CSMD3: variants seen among roughly 807,000 people sequenced by gnomAD.
The protein encoded by CSMD3 is CUB and Sushi multiple domains 3.
A neutral mutation model predicts 435.2 loss-of-function variants in CSMD3; 177 were observed. That is an observed-to-expected ratio of 0.41 (90% CI 0.36 to 0.46). CSMD3 has a LOEUF of 0.46. CSMD3 is among the 20% of genes least tolerant of loss of function. The probability of loss-of-function intolerance (pLI) is 0.34; values close to 1 mark genes in which losing one functional copy is unlikely to be tolerated. For synonymous variants in CSMD3, 1,656 were observed against 1,520.5 expected (o/e 1.09, Z -2.07); for missense variants, 4,265 against 4,504.6 (o/e 0.95, Z 1.52).
At chr8:112,543,326 A>G (rs1826855797) in intron 27 of CSMD3, among the ~76,000 whole-genome samples, 1 of 152,122 alleles carries the variant, frequency 6.6e-6, no homozygotes, top group Admixed American at 6.6e-5. Context: ...ATGGGAGAAA[A>G]TATTTTCAAG....
intron 9 of CSMD3, among the ~76,000 whole-genome samples, chr8:112,940,111 A>C (rs1291914246): frequency 6.6e-6 from 1 of 151,954 alleles, no homozygotes; most frequent in African/African-American, 2.4e-5. Context: ...AATGAGTGAA[A>C]ATGACTTTAT....
rs1050424505 is a variant in CSMD3 at position 112,919,098 on chromosome 8, A to G, written c.1633+2529T>C. 9.2e-5 allele frequency among the ~76,000 whole-genome samples: 14 copies of G among 151,942 alleles called. No individual in the cohort carries two copies. The South Asian group carries it at 2.3e-3, about 25-fold the overall frequency. ...CATACACATACGTGCCTTGCATGCA[A>G]TGAGCAAATGCAGCTATGTCTAATA... On this transcript the variant is annotated intron_variant, in intron 10 of 70. Transcript: ENST00000297405.
chr8:112,840,890 A>G (rs1397972444), intron 11 of CSMD3, among the ~76,000 whole-genome samples: 1 of 151,880 alleles, frequency 6.6e-6, no homozygotes, highest in African/African-American at 2.4e-5. Flanking sequence ...ATATTTAAAA[A>G]TATGACTCTT....
chr8:112,800,196 A>G lies in CSMD3; in HGVS notation c.1938T>C (p.Ser646=), dbSNP rs751121747. 25 of 1,612,486 alleles carry G rather than the reference A, an allele frequency of 1.6e-5. No homozygotes were observed. In the Admixed American group the frequency reaches 3.8e-4, roughly 25 times the overall value. ...QMWLHLQTDE[S]VGSVGFKVNY... is the part of the protein sequence containing the mutation. ...TAACCTTGAAACCAACAGATCCAAC[A>G]CTTTCGTCCGTTTGAAGGTGCAGCC... is the stretch of plus-strand genomic sequence containing the variant. The change falls in exon 13 of 71, where the codon AGT becomes AGC. Residue 646 remains serine, a synonymous_variant. Transcript: ENST00000297405.
chr8:112,920,466 T>C (rs1344607465), intron 10 of CSMD3, among the ~76,000 whole-genome samples: 3 of 151,948 alleles, frequency 2.0e-5, no homozygotes, highest in Non-Finnish European at 4.4e-5. Flanking sequence ...TAGTTCTTTC[T>C]ATACTCTGTC....
intron 22 of CSMD3, among the ~76,000 whole-genome samples, chr8:112,632,020 A>G (rs1161980225): frequency 6.6e-6 from 1 of 152,034 alleles, no homozygotes; most frequent in African/African-American, 2.4e-5. Flanking sequence ...ATATGTGGGC[A>G]TCTGATAGAT....
intron 22 of CSMD3, among the ~76,000 whole-genome samples, chr8:112,602,563 TC>T (rs1409977315): frequency 1.1e-5 from 1 of 90,538 alleles, no homozygotes; most frequent in African/African-American, 6.0e-5. Flanking sequence ...CAAAACTCTG[TC>T]TCAAAAAAAA....
At chr8:112,686,780 C>T (rs1210884747) in intron 14 of CSMD3, among the ~76,000 whole-genome samples, 1 of 152,016 alleles carries the variant, frequency 6.6e-6, no homozygotes, top group African/African-American at 2.4e-5. Flanking sequence ...GCTACCGTGC[C>T]CGGCCTTTTA....
intron 13 of CSMD3, among the ~76,000 whole-genome samples, chr8:112,747,974 A>C (rs913391415): frequency 1.3e-5 from 2 of 151,726 alleles, no homozygotes; most frequent in Admixed American, 6.5e-5. Context: ...AAAAAAAAAA[A>C]AAAAAAAAAA....
intron 60 of CSMD3, among the ~76,000 whole-genome samples, chr8:112,264,321 C>T (rs749519961): frequency 6.6e-6 from 1 of 151,808 alleles, no homozygotes; most frequent in Non-Finnish European, 1.5e-5. Context: ...TATGTTAAAC[C>T]TTATTATTAT....
Position 113,196,959 on chromosome 8 carries a change from C to T in CSMD3, c.515-23043G>A, listed in dbSNP as rs879746320. Among the ~76,000 whole-genome samples, 656 of 151,220 alleles carry T rather than the reference C, an allele frequency of 4.3e-3. 3 individuals carry two copies. The highest frequency in any genetic ancestry group is 7.1e-3 in the Non-Finnish European group (476 of 67,388). On this transcript the variant is annotated intron_variant, in intron 3 of 70. Coordinates refer to ENST00000297405, the MANE Select transcript of CSMD3 (RefSeq NM_198123.2). ...TGCAATCTCAGGTAAGTACTTAACC[C>T]CTCTGTGGAACAATTTTCTTACTTG...
chr8:112,361,068 C>A (rs1326950307), intron 38 of CSMD3, among the ~76,000 whole-genome samples: 1 of 151,882 alleles, frequency 6.6e-6, no homozygotes, highest in Admixed American at 6.6e-5. Context: ...TTGTAGGAAT[C>A]AATAAGAGAA....
chr8:112,625,413 A>G (rs965403047), intron 22 of CSMD3, among the ~76,000 whole-genome samples: 12 of 152,140 alleles, frequency 7.9e-5, no homozygotes, highest in Non-Finnish European at 1.5e-4. Context: ...AAAAAGGCTC[A>G]GAATTTCTTT....
chr8:112,338,777 T>C (rs1036961351), intron 42 of CSMD3, among the ~76,000 whole-genome samples: 11 of 152,142 alleles, frequency 7.2e-5, no homozygotes, highest in African/African-American at 2.7e-4. Context: ...AAAAATATTC[T>C]ACACAAAAAT....
chr8:112,534,584 T>C (rs945511270), intron 27 of CSMD3, among the ~76,000 whole-genome samples: 41 of 152,188 alleles, frequency 2.7e-4, no homozygotes, highest in East Asian at 9.7e-4. Flanking sequence ...GATTCACAGC[T>C]AAATTCTACC....
intron 13 of CSMD3, among the ~76,000 whole-genome samples, chr8:112,784,823 T>C (rs908484316): frequency 2.0e-5 from 3 of 152,018 alleles, no homozygotes; most frequent in African/African-American, 7.2e-5. Flanking sequence ...CAGTTGATTT[T>C]ACCAAATATT....
chr8:112,499,542 C>T (rs1323631533), intron 30 of CSMD3, among the ~76,000 whole-genome samples: 3 of 151,942 alleles, frequency 2.0e-5, no homozygotes, highest in Non-Finnish European at 4.4e-5. Context: ...ATATAATAGA[C>T]CACAAAACAA....
chr8:113,082,139 C>A (rs577213617), intron 5 of CSMD3, among the ~76,000 whole-genome samples: 2 of 152,260 alleles, frequency 1.3e-5, no homozygotes, highest in Admixed American at 1.3e-4. Flanking sequence ...AAGGACTGCT[C>A]TACCTAGGAC....
intron 38 of CSMD3, among the ~76,000 whole-genome samples, chr8:112,358,163 T>A (rs192661375): frequency 2.0e-5 from 3 of 152,302 alleles, no homozygotes; most frequent in African/African-American, 7.2e-5. Flanking sequence ...CCATTTGATT[T>A]TGAACTTGCA....
Sources: allele counts gnomAD v4.1 joint callset (sites outside exome capture counted in the v4.1 genomes callset), GRCh38; gene constraint gnomAD v4.1.1; transcripts MANE v1.5; gene names NCBI Gene and HGNC (gene_info 2026-07-23, HGNC 2026-07-21).